CDH23: variants seen among roughly 807,000 people sequenced by gnomAD.
The protein encoded by CDH23 is cadherin related 23, also known as cadherin-23.
Under a neutral mutation model 317.1 loss-of-function variants are expected in CDH23, and 189 were observed. That is an observed-to-expected ratio of 0.60 (90% CI 0.53 to 0.67). CDH23 has a LOEUF of 0.67. CDH23 is among the 30% of genes least tolerant of loss of function. The pLI, the probability that CDH23 is intolerant of heterozygous loss-of-function variation, is 0.00. For missense variants in CDH23, 4,401 were observed against 4,592.4 expected, an observed-to-expected ratio of 0.96 and a Z score of 1.20; for synonymous variants, 1,839 against 1,876.8, an observed-to-expected ratio of 0.98 and a Z score of 0.52.
At chr10:71,592,803 G>A (rs1045336234) in intron 9 of CDH23, among the ~76,000 whole-genome samples, 8 of 152,122 alleles carry the variant, frequency 5.3e-5, no homozygotes, top group African/African-American at 1.9e-4. Context: ...CATAGCATCC[G>A]TGCCCTCTCT....
At chr10:71,561,406 C>T (rs940803041) in intron 6 of CDH23, among the ~76,000 whole-genome samples, 1 of 152,078 alleles carries the variant, frequency 6.6e-6, no homozygotes, top group Non-Finnish European at 1.5e-5. Flanking sequence ...GCTGCACACC[C>T]TCCCTCACCC....
intron 11 of CDH23, among the ~76,000 whole-genome samples, chr10:71,636,682 A>G (rs7085756): frequency 0.78 from 118,435 of 152,128 alleles, 46,383 homozygotes; most frequent in South Asian, 0.88. Flanking sequence ...GGCCCATGGT[A>G]CTCAAGGGCC....
intron 6 of CDH23, among the ~76,000 whole-genome samples, chr10:71,557,674 T>A (rs2132332489): frequency 6.6e-6 from 1 of 152,384 alleles, no homozygotes; most frequent in East Asian, 1.9e-4. Flanking sequence ...TATAGAATTC[T>A]GGAATGGAAA....
At chr10:71,458,741 TAATTAAAGTAA>T (rs763736567) in intron 3 of CDH23, among the ~76,000 whole-genome samples, 2 of 152,258 alleles carry the variant, frequency 1.3e-5, no homozygotes, top group African/African-American at 2.4e-5. Context: ...TTAAGTAAGT[TAATTAAAGTAA>T]AATTAAAGTA....
chr10:71,710,082 C>T (rs531642984), intron 27 of CDH23, among the ~76,000 whole-genome samples: 2 of 152,314 alleles, frequency 1.3e-5, no homozygotes, highest in East Asian at 1.9e-4. Flanking sequence ...CCTCCCACAA[C>T]ATGTGGAAAT....
At chr10:71,603,599 G>A (rs1481350083) in intron 9 of CDH23, among the ~76,000 whole-genome samples, 1 of 152,074 alleles carries the variant, frequency 6.6e-6, no homozygotes, top group African/African-American at 2.4e-5. Context: ...GTAACCGGGT[G>A]CCAAGCAGGC....
At chr10:71,612,185 G>A (rs1292381436) in intron 9 of CDH23, among the ~76,000 whole-genome samples, 1 of 152,040 alleles carries the variant, frequency 6.6e-6, no homozygotes, top group East Asian at 1.9e-4. Flanking sequence ...CTTGGCAGGA[G>A]GTGGGAAGGT....
chr10:71,647,336 G>A (rs1232778187), intron 14 of CDH23, among the ~76,000 whole-genome samples: 1 of 152,124 alleles, frequency 6.6e-6, no homozygotes, highest in Non-Finnish European at 1.5e-5. Context: ...GGTGGCACAC[G>A]CCTGTAGTCC....
In CDH23 at chr10:71,734,318, G is replaced by A. The variant is rs749105554; in HGVS notation, c.4183G>A (p.Gly1395Ser). Residue 1395 changes from glycine (G) to serine (S), a missense_variant, in exon 33 of 70, where the codon GGC becomes AGC. By Grantham distance (56) the Gly-to-Ser change is moderately conservative (BLOSUM62 0). This residue lies in a region of CDH23 where 3,068 missense variants were observed against 3,203.3 expected (regional missense o/e 0.96). Coordinates refer to ENST00000224721, the MANE Select transcript of CDH23 (RefSeq NM_022124.6). The part of the protein sequence containing the change: ...YTLTVVADDG[G>S]PKVDSTVKVY... ...CTTGACAGTGGTGGCAGATGACGGC[G>A]GCCCCAAGGTGGACTCCACCGTGGT... is the stretch of plus-strand genomic sequence containing the variant. The A allele has an allele frequency of 4.7e-5, 75 of 1,610,698 alleles. No homozygotes were observed. The highest frequency in any genetic ancestry group is 8.4e-5 in the Admixed American group (5 of 59,682).
chr10:71,425,204 A>G (rs1311129007), intron 1 of CDH23, among the ~76,000 whole-genome samples: 2 of 138,946 alleles, frequency 1.4e-5, no homozygotes, highest in African/African-American at 2.7e-5. Flanking sequence ...CGGCTTGGCT[A>G]AAATCACAGT....
At position 71,416,293 on chromosome 10, in the gene CDH23, G is replaced by T. The variant is rs148285384; in HGVS notation, c.-6+18975G>T. Among the ~76,000 whole-genome samples, 426 of 152,254 alleles carry T rather than the reference G, an allele frequency of 2.8e-3. 2 individuals are homozygous for T. The highest frequency in any genetic ancestry group is 9.6e-3 in the African/African-American group (400 of 41,524). On this transcript the variant is annotated intron_variant, in intron 1 of 69. Coordinates refer to ENST00000224721, the MANE Select transcript of CDH23 (RefSeq NM_022124.6). ...GCCCGCCTTGGCCTCCTGAAGTGCT[G>T]GGATTACAGGCATAAGCCACTGTGC...
chr10:71,610,012 C>CA (rs1860776800), intron 9 of CDH23, among the ~76,000 whole-genome samples: 1 of 142,550 alleles, frequency 7.0e-6, no homozygotes, highest in Non-Finnish European at 1.5e-5. Flanking sequence ...GACAGAGAGA[C>CA]GAGAGAGAGA....
rs756674688 is a variant in CDH23, at chr10:71,739,674, G to A, written c.4390G>A (p.Ala1464Thr). 2.0e-5 allele frequency: 32 copies of A among 1,613,008 alleles called. No homozygotes were observed. Among genetic ancestry groups the A allele is most frequent in the Admixed American group, 3.3e-5 (2 of 59,906 alleles). Residue 1464 changes from alanine (A) to threonine (T), a missense_variant, in exon 36 of 70, where the codon GCG (alanine) becomes ACG (threonine). Ala to Thr is a moderately conservative substitution (Grantham distance 58). This residue lies in a region of CDH23 where 3,068 missense variants were observed against 3,203.3 expected (regional missense o/e 0.96). Transcript: ENST00000224721. ...CTTCTCCCTGGCCTCTGGCAACATC[G>A]CGGGGGCCTTTGAGATCGTCACCAC... is the stretch of plus-strand genomic sequence containing the variant. ...VVFSLASGNIAGAFEIVTTND... is the reference protein window; with the variant it reads ...VVFSLASGNITGAFEIVTTND...
chr10:71,695,817 GCCACA>G (rs1865366527), intron 22 of CDH23, among the ~76,000 whole-genome samples: 1 of 152,152 alleles, frequency 6.6e-6, no homozygotes, highest in Non-Finnish European at 1.5e-5. Context: ...CCGCTTGTGA[GCCACA>G]CGTGCCCTTA....
At chr10:71,505,874 C>T (rs1259855123) in intron 3 of CDH23, among the ~76,000 whole-genome samples, 3 of 152,196 alleles carry the variant, frequency 2.0e-5, no homozygotes, top group Non-Finnish European at 4.4e-5. Flanking sequence ...AGCAATTGTG[C>T]TCCTAAGTAT....
intron 32 of CDH23, 164 bp downstream of exon 32, chr10:71,732,539 G>A: frequency 7.6e-7 from 1 of 1,320,222 alleles, no homozygotes; most frequent in Non-Finnish European, 1.0e-6. Flanking sequence ...GGCTGGGGCA[G>A]GAAGATTGCT....
chr10:71,814,013 C>T (rs1842035692), intron 69 of CDH23, among the ~76,000 whole-genome samples: 1 of 152,332 alleles, frequency 6.6e-6, no homozygotes, highest in East Asian at 1.9e-4. Context: ...TACCTAAAAA[C>T]GAATCTCCAG....
chr10:71,681,780 T>C (rs557901269), intron 17 of CDH23, among the ~76,000 whole-genome samples: 45 of 152,218 alleles, frequency 3.0e-4, no homozygotes, highest in Middle Eastern at 3.4e-3. Context: ...TACAAAGAAA[T>C]TTTTTTAAAT....
At chr10:71,793,776 G>GGGGA in intron 48 of CDH23, 136 bp downstream of exon 48, 1 of 682,024 alleles carries the variant, frequency 1.5e-6, no homozygotes. Context: ...TCCTCTGGAG[G>GGGGA]GAAACCAGAA....
Sources: allele counts gnomAD v4.1 joint callset (sites outside exome capture counted in the v4.1 genomes callset), GRCh38; gene constraint gnomAD v4.1.1; regional missense constraint gnomAD v4.1.1; transcripts MANE v1.5; gene names NCBI Gene and HGNC (gene_info 2026-07-23, HGNC 2026-07-21).